NRAP: variants seen among roughly 807,000 people sequenced by gnomAD.
The protein encoded by NRAP is nebulin-related-anchoring protein.
A neutral mutation model predicts 225.9 loss-of-function variants in NRAP; 189 were observed. The observed-to-expected ratio is 0.84, with a 90% CI of 0.74 to 0.94. NRAP has a LOEUF of 0.94. NRAP is among the 40% of genes least tolerant of loss of function. NRAP has a pLI of 0.00. For missense variants in NRAP, 2,176 were observed against 2,168.7 expected, an observed-to-expected ratio of 1.00 and a Z score of -0.07; for synonymous variants, 769 against 790.7, an observed-to-expected ratio of 0.97 and a Z score of 0.46.
At chr10:113,608,308 C>T in intron 32 of NRAP, 106 bp downstream of exon 32, 1 of 684,744 alleles carries the variant, frequency 1.5e-6, no homozygotes, top group Non-Finnish European at 2.6e-6. Flanking sequence ...TTCCAAACCT[C>T]CACATAAACA....
chr10:113,648,278 C>T (rs1005801369), intron 9 of NRAP, among the ~76,000 whole-genome samples: 4 of 152,052 alleles, frequency 2.6e-5, no homozygotes, highest in South Asian at 4.2e-4. Flanking sequence ...CTATTTAGCC[C>T]GAGTTCTCCT....
At position 113,623,619 on chromosome 10, in the gene NRAP, G is replaced by A; in HGVS notation, c.2367C>T (p.Ser789=). Residue 789 remains serine, a synonymous_variant, in exon 23 of 42, where the codon AGC becomes AGT. Transcript: ENST00000359988. ...ANLSEKLYKS[S]WENQKAKGFE... is the part of the protein sequence containing the mutation. ...ACCCTTTTGCTTTCTGGTTTTCCCA[G>A]CTGCTCTTATACAGTTTCTAAGGGG... 1 of 1,613,618 alleles carries A rather than the reference G, an allele frequency of 6.2e-7. No individual in the cohort carries two copies. The highest frequency in any genetic ancestry group is 8.5e-7 in the Non-Finnish European group (1 of 1,179,558).
At chr10:113,614,431 G>A (rs577620089) in intron 28 of NRAP, 135 bp from the exon 29 acceptor site, 49 of 664,888 alleles carry the variant, frequency 7.4e-5, no homozygotes, top group African/African-American at 5.4e-4. Context: ...CGCGGGAGTC[G>A]TCAAAAGGGC....
In NRAP at chr10:113,597,172, T is replaced by C. The variant is rs749183276; in HGVS notation, c.4345A>G (p.Lys1449Glu). ...GTGAACTTGATACTGTCTGGTTTTT[T>C]ACGGTACTTGGTCTATAAGATAAAG... ...GELISETKYR[K>E]KPDSIKFTTV... The change falls in exon 37 of 42, where the codon AAA (lysine) becomes GAA (glutamate). Residue 1449 changes from lysine to glutamate, a missense_variant. Lys to Glu is a moderately conservative substitution (Grantham distance 56). Transcript: ENST00000359988. 1.9e-6 allele frequency: 3 copies of C among 1,609,608 alleles called. No homozygotes were observed. Among genetic ancestry groups the C allele is most frequent in the Non-Finnish European group, 1.7e-6 (2 of 1,175,916 alleles).
chr10:113,629,055 C>T (rs562089513), intron 19 of NRAP, 34 bp from the exon 20 acceptor site: 37 of 1,444,926 alleles, frequency 2.6e-5, no homozygotes, highest in Admixed American at 5.0e-5. Context: ...TCTCATTGGG[C>T]GCATGGATAG....
Position 113,613,107 on chromosome 10 carries a change from T to G in NRAP, c.3301-676A>C, listed in dbSNP as rs188695033. On this transcript the variant is annotated intron_variant, in intron 29 of 41. Transcript: ENST00000359988. The stretch of plus-strand genomic sequence containing the variant: ...TCACCACCTCTTCCTCATCCTCCTT[T>G]GTCCTTCCATTGTCTTTCATTGCTC... Among the ~76,000 whole-genome samples the G allele has an allele frequency of 2.1e-4, 32 of 152,292 alleles. No individual in the cohort carries two copies. The East Asian group carries it at 5.2e-3, about 25-fold the overall frequency.
chr10:113,588,777 C>G lies in NRAP; in HGVS notation c.*198G>C, dbSNP rs1845734952. 1.7e-6 allele frequency: 1 copy of G among 585,144 alleles called. No individual in the cohort carries two copies. Among genetic ancestry groups the G allele is most frequent in the African/African-American group, 1.9e-5 (1 of 53,622 alleles). The allele number at this position is 585,144 out of a possible 1,614,324, so 36.2% of individuals were successfully genotyped here. A position where few individuals can be genotyped will look rare whatever the true frequency, so the allele number is the denominator to read the frequency against. On this transcript the variant is annotated 3_prime_UTR_variant, in exon 42 of 42. Transcript: ENST00000359988. ...AGACACTCGAGGCACTCAACAGAAT[C>G]AGCCATCCACGTCTAGGTATCAGAG...
chr10:113,599,970 C>T (rs866537176), intron 35 of NRAP, among the ~76,000 whole-genome samples: 2 of 152,210 alleles, frequency 1.3e-5, no homozygotes, highest in Admixed American at 6.5e-5. Context: ...CTGCAGCTTT[C>T]AGTCCCTGAG....
chr10:113,614,982 G>A (rs965463633), intron 27 of NRAP, 36 bp from the exon 28 acceptor site: 8 of 1,242,378 alleles, frequency 6.4e-6, no homozygotes, highest in African/African-American at 1.5e-5. Flanking sequence ...AGACCTTTAA[G>A]TGACCTGGTG....
chr10:113,659,966 G>A (rs1850556658), intron 3 of NRAP, among the ~76,000 whole-genome samples: 1 of 151,934 alleles, frequency 6.6e-6, no homozygotes, highest in East Asian at 1.9e-4. Context: ...TAGGGCAGTT[G>A]TAAGAGCTGG....
chr10:113,616,071 T>A (rs1847646386), intron 26 of NRAP, among the ~76,000 whole-genome samples: 2 of 152,170 alleles, frequency 1.3e-5, no homozygotes, highest in Admixed American at 1.3e-4. Flanking sequence ...AGTAAACTGC[T>A]GAGATGGGTG....
At chr10:113,614,693 C>A in intron 28 of NRAP, 146 bp downstream of exon 28, 1 of 633,006 alleles carries the variant, frequency 1.6e-6, no homozygotes, top group Non-Finnish European at 2.9e-6. Flanking sequence ...TTCTTTCTCA[C>A]TGGTCATTAT....
rs1035307994 is a variant in NRAP at position 113,660,920 on chromosome 10, C to A, written c.255+1759G>T. 5.9e-5 allele frequency among the ~76,000 whole-genome samples: 9 copies of A among 152,136 alleles called. No individual in the cohort carries two copies. The South Asian group carries it at 6.2e-4, about 11-fold the overall frequency. On this transcript the variant is annotated intron_variant, in intron 3 of 41. Transcript: ENST00000359988. ...AAACTAGGCAGGTTACTTAACCTCT[C>A]TGAGCTTCAGTTTCCTCAACTATAA... is the stretch of plus-strand genomic sequence containing the variant.
At position 113,650,458 on chromosome 10, in the gene NRAP, C is replaced by A; in HGVS notation, c.763G>T (p.Ala255Ser). 6.2e-7 allele frequency: 1 copy of A among 1,613,300 alleles called. No homozygotes were observed. Among genetic ancestry groups the A allele is most frequent in the South Asian group, 1.1e-5 (1 of 91,058 alleles). Reference sequence around the variant, plus strand: ...CTTACATCACTTGCCAGCTCATTGGCTCTTTTGGCTATCTGATAGGCGGGT... The same window carrying A: ...CTTACATCACTTGCCAGCTCATTGGATCTTTTGGCTATCTGATAGGCGGGT... ...ITPAYQIAKR[A>S]NELASDVRYH... The change falls in exon 8 of 42, where the codon GCC becomes TCC. Residue 255 changes from alanine to serine, a missense_variant. Physicochemically the swap from Ala to Ser is moderately conservative, Grantham distance 99. This residue lies in a region of NRAP where 1,708 missense variants were observed against 1,695.5 expected (regional missense o/e 1.01). Coordinates refer to ENST00000359988, the MANE Select transcript of NRAP (RefSeq NM_198060.4).
intron 14 of NRAP, among the ~76,000 whole-genome samples, chr10:113,639,179 C>G (rs1849056878): frequency 6.6e-6 from 1 of 150,546 alleles, no homozygotes; most frequent in African/African-American, 2.4e-5. Flanking sequence ...AACCAAACTT[C>G]CTGAGAAAAA....
At position 113,621,886 on chromosome 10, in the gene NRAP, A is replaced by G. The variant is rs1848011841; in HGVS notation, c.2752T>C (p.Tyr918His). 3 of 1,612,082 alleles carry G rather than the reference A, an allele frequency of 1.9e-6. No individual in the cohort carries two copies. In the East Asian group the frequency reaches 6.7e-5, roughly 36 times the overall value. ...DMKVEWAKKA[Y>H]GLQSDNQYRA... is the part of the protein sequence containing the mutation. ...GAGCTTACATCACTCTGTAAGCCAT[A>G]AGCCTTCTTGGCCCATTCCACCTTC... The change falls in exon 24 of 42, where the codon TAT (tyrosine) becomes CAT (histidine). Residue 918 changes from tyrosine (Y) to histidine (H), a missense_variant. By Grantham distance (83) the Tyr-to-His change is moderately conservative (BLOSUM62 2). Coordinates refer to ENST00000359988, the MANE Select transcript of NRAP (RefSeq NM_198060.4).
intron 38 of NRAP, 151 bp downstream of exon 38, chr10:113,595,472 A>C (rs774346126): frequency 3.4e-6 from 2 of 593,418 alleles, no homozygotes; most frequent in Non-Finnish European, 6.0e-6. Context: ...AAAGTGACTG[A>C]AAGTCACACA....
At position 113,634,131 on chromosome 10, in the gene NRAP, T is replaced by C. The variant is rs1360629531; in HGVS notation, c.1508A>G (p.Asn503Ser). The C allele has an allele frequency of 2.5e-6, 4 of 1,613,604 alleles. No homozygotes were observed. The highest frequency in any genetic ancestry group is 1.1e-5 in the South Asian group (1 of 91,046). ...DTPQIVQAKI[N>S]AQQLSHVNYR... Reference sequence around the variant, plus strand: ...ACTTACATGACTCAGCTGCTGGGCATTGATTTTGGCTTGAACAATCTGTGG... The same window carrying C: ...ACTTACATGACTCAGCTGCTGGGCACTGATTTTGGCTTGAACAATCTGTGG... The change falls in exon 15 of 42, where the codon AAT becomes AGT. Residue 503 changes from asparagine (N) to serine (S), a missense_variant. By Grantham distance (46) the Asn-to-Ser change is conservative. Coordinates refer to ENST00000359988, the MANE Select transcript of NRAP (RefSeq NM_198060.4).
intron 22 of NRAP, among the ~76,000 whole-genome samples, chr10:113,624,480 C>T (rs914071303): frequency 3.3e-5 from 5 of 152,142 alleles, no homozygotes; most frequent in South Asian, 4.1e-4. Context: ...AAGTGGCAAC[C>T]GAGGATCAAA....
Sources: allele counts gnomAD v4.1 joint callset (sites outside exome capture counted in the v4.1 genomes callset), GRCh38; gene constraint gnomAD v4.1.1; regional missense constraint gnomAD v4.1.1; transcripts MANE v1.5; gene names NCBI Gene and HGNC (gene_info 2026-07-23, HGNC 2026-07-21).